MAP3K9: variants seen among roughly 807,000 people sequenced by gnomAD.
The protein encoded by MAP3K9 is mixed lineage kinase 1 (tyr and ser/thr specificity).
MAP3K9 carries 46 observed loss-of-function variants against 95.8 expected under a neutral mutation model. That is an observed-to-expected ratio of 0.48 (90% CI 0.38 to 0.61). The LOEUF (loss-of-function observed/expected upper bound fraction) is 0.61, where lower values mean the gene tolerates loss of function less well. Among genes scored for constraint, MAP3K9 ranks in the 20% least tolerant of loss-of-function variants. MAP3K9 has a pLI of 0.00. For missense variants in MAP3K9, 1,296 were observed against 1,474.3 expected (o/e 0.88, Z 1.98); for synonymous variants, 533 against 593.8 (o/e 0.90, Z 1.49).
chr14:70,754,270 G>A (rs2054268900), intron 3 of MAP3K9, among the ~76,000 whole-genome samples: 1 of 152,142 alleles, frequency 6.6e-6, no homozygotes, highest in Non-Finnish European at 1.5e-5. Context: ...ATGTGGTTAT[G>A]TGTTCATGCT....
Position 70,809,252 on chromosome 14 carries a change from G to A in MAP3K9, c.-81C>T. On this transcript the variant is annotated 5_prime_UTR_variant, in exon 1 of 12. Coordinates refer to ENST00000554752, the MANE Select transcript of MAP3K9 (RefSeq NM_001284230.2). ...CCTATTGTTCATGCGCCTCCGCAGA[G>A]CTGGGAGGACCCCCCCCCAACGACG... is the stretch of plus-strand genomic sequence containing the variant. 2 of 1,259,988 alleles carry A rather than the reference G, an allele frequency of 1.6e-6. No homozygotes were observed. The highest frequency in any genetic ancestry group is 3.3e-5 in the South Asian group (1 of 30,360). 78.1% of individuals were successfully genotyped at this position (1,259,988 alleles called of 1,614,324 possible). A position where few individuals can be genotyped will look rare whatever the true frequency, so the allele number is the denominator to read the frequency against.
chr14:70,747,377 C>A (rs1365442401), intron 5 of MAP3K9, among the ~76,000 whole-genome samples: 1 of 152,160 alleles, frequency 6.6e-6, no homozygotes, highest in African/African-American at 2.4e-5. Flanking sequence ...CTTCTTCCTG[C>A]CACCATGTGA....
intron 1 of MAP3K9, among the ~76,000 whole-genome samples, chr14:70,803,135 C>A (rs2054949372): frequency 6.6e-6 from 1 of 152,002 alleles, no homozygotes; most frequent in Non-Finnish European, 1.5e-5. Context: ...TCCCACTTCA[C>A]CTTCCGCCAT....
intron 7 of MAP3K9, 139 bp downstream of exon 7, chr14:70,739,903 T>C: frequency 6.2e-7 from 1 of 1,610,844 alleles, no homozygotes; most frequent in East Asian, 2.2e-5. Flanking sequence ...CGTACATATG[T>C]GCATGTATAT....
intron 1 of MAP3K9, among the ~76,000 whole-genome samples, chr14:70,805,615 TTC>T (rs1229019621): frequency 6.6e-6 from 1 of 152,268 alleles, no homozygotes; most frequent in African/African-American, 2.4e-5. Flanking sequence ...TAATTTCCCC[TTC>T]TGTTTTGAAT....
chr14:70,730,510 G>C lies in MAP3K9; in HGVS notation c.3185C>G (p.Pro1062Arg). 6.2e-7 allele frequency: 1 copy of C among 1,613,868 alleles called. No homozygotes were observed. Among genetic ancestry groups the C allele is most frequent in the Non-Finnish European group, 8.5e-7 (1 of 1,180,018 alleles). The part of the protein sequence containing the change: ...LLPFQAGPLP[P>R]TERTLLDLDA... Reference sequence around the variant, plus strand: ...CAGGTCCAGGAGCGTCCGCTCAGTCGGGGGCAGCGGCCCTGCCTGGAACGG... The same window carrying C: ...CAGGTCCAGGAGCGTCCGCTCAGTCCGGGGCAGCGGCCCTGCCTGGAACGG... The change falls in exon 12 of 12, where the codon CCG becomes CGG. Residue 1062 changes from proline (P) to arginine (R), a missense_variant. By Grantham distance (103) the Pro-to-Arg change is moderately radical. Transcript: ENST00000554752.
Position 70,732,812 on chromosome 14 carries a change from C to T in MAP3K9, c.2557G>A (p.Asp853Asn), listed in dbSNP as rs986655970. ...TCATACACGACAATTTCATCGCTGT[C>T]GGAGCGCAGCAGGGAGCGTGTGGAG... ...CNSTRSLLRS[D>N]SDEIVVYEMP... The change falls in exon 11 of 12, where the codon GAC becomes AAC. Residue 853 changes from aspartate to asparagine, a missense_variant. Asp to Asn is a conservative substitution (Grantham distance 23). Around this residue, in one of 5 missense-constraint regions of MAP3K9, gnomAD observed 433 missense variants for 441.4 expected, o/e 0.98. Coordinates refer to ENST00000554752, the MANE Select transcript of MAP3K9 (RefSeq NM_001284230.2). 3.1e-6 allele frequency: 5 copies of T among 1,613,982 alleles called. No individual in the cohort carries two copies. The East Asian group carries it at 6.7e-5, about 22-fold the overall frequency.
chr14:70,743,538 G>A (rs77573851), intron 5 of MAP3K9, among the ~76,000 whole-genome samples: 2 of 151,296 alleles, frequency 1.3e-5, no homozygotes, highest in African/African-American at 4.8e-5. Context: ...ATCAAAAAGT[G>A]GGTGAAGGAT....
At chr14:70,779,832 C>T (rs1290270687) in intron 2 of MAP3K9, among the ~76,000 whole-genome samples, 2 of 152,226 alleles carry the variant, frequency 1.3e-5, no homozygotes, top group African/African-American at 2.4e-5. Context: ...TTTGGGACAT[C>T]TCTGGCAAGC....
chr14:70,763,798 T>C (rs369928376), intron 2 of MAP3K9, among the ~76,000 whole-genome samples: 5 of 152,228 alleles, frequency 3.3e-5, no homozygotes, highest in African/African-American at 1.2e-4. Context: ...TCCCAAAGTG[T>C]TGGGATTACT....
At chr14:70,740,286 G>A in intron 6 of MAP3K9, 122 bp from the exon 7 acceptor site, 2 of 998,040 alleles carry the variant, frequency 2.0e-6, no homozygotes, top group South Asian at 1.7e-5. Context: ...AAAGCTCTTT[G>A]TTCACCTGGG....
chr14:70,801,201 C>G (rs1211963512), intron 1 of MAP3K9, 121 bp from the exon 2 acceptor site: 1 of 927,510 alleles, frequency 1.1e-6, no homozygotes, highest in Non-Finnish European at 1.6e-6. Context: ...CTTTCTGTCT[C>G]CCCATTATAA....
At position 70,800,939 on chromosome 14, in the gene MAP3K9, T is replaced by C; in HGVS notation, c.548A>G (p.Gln183Arg). 1 of 1,614,240 alleles carries C rather than the reference T, an allele frequency of 6.2e-7. No homozygotes were observed. The highest frequency in any genetic ancestry group is 8.5e-7 in the Non-Finnish European group (1 of 1,180,046). The change falls in exon 2 of 12, where the codon CAG becomes CGG. Residue 183 changes from glutamine to arginine, a missense_variant. Around this residue, in one of 5 missense-constraint regions of MAP3K9, gnomAD observed 338 missense variants for 363.4 expected, o/e 0.93. Transcript: ENST00000554752. ...CTCTTGGCGAACATTCTCTATGGTC[T>C]GGCTGATGTCCTCATCAGGGTCGTG... ...ARHDPDEDIS[Q>R]TIENVRQEAK...
At chr14:70,745,133 T>C (rs571778965) in intron 5 of MAP3K9, among the ~76,000 whole-genome samples, 3 of 152,256 alleles carry the variant, frequency 2.0e-5, no homozygotes, top group African/African-American at 7.2e-5. Flanking sequence ...GGGTGGAACC[T>C]GGAGAGAGCC....
intron 1 of MAP3K9, among the ~76,000 whole-genome samples, chr14:70,806,337 T>C (rs1189192066): frequency 1.6e-4 from 25 of 152,226 alleles, no homozygotes; most frequent in Admixed American, 1.6e-3. Flanking sequence ...CTTCTTTATG[T>C]CCTGGTACTT....
Position 70,774,983 on chromosome 14 carries a change from C to CAAAAAAAAAAAAAA in MAP3K9, c.821-13815_821-13802dup, listed in dbSNP as rs60144338. On this transcript the variant is annotated intron_variant, in intron 2 of 11. Coordinates refer to ENST00000554752, the MANE Select transcript of MAP3K9 (RefSeq NM_001284230.2). ...TGGAGACAGAGTGAGACTCTGTCCC[C>CAAAAAAAAAAAAAA]AAAAAAAAAAAAAAAAAAAAAAAAA... 7.8e-4 allele frequency among the ~76,000 whole-genome samples: 43 copies of CAAAAAAAAAAAAAA among 55,114 alleles called. 1 individual carries two copies. The highest frequency in any genetic ancestry group is 1.1e-3 in the Non-Finnish European group (37 of 33,628). 36.2% of individuals were successfully genotyped at this position (55,114 alleles called of 152,430 possible). A position where few individuals can be genotyped will look rare whatever the true frequency, so the allele number is the denominator to read the frequency against.
At chr14:70,743,761 T>C (rs2054108075) in intron 5 of MAP3K9, among the ~76,000 whole-genome samples, 1 of 152,036 alleles carries the variant, frequency 6.6e-6, no homozygotes, top group Non-Finnish European at 1.5e-5. Context: ...TTGGTGGGAG[T>C]GTAAATTAGT....
Position 70,730,291 on chromosome 14 carries a change from A to AG in MAP3K9, c.*88dup. On this transcript the variant is annotated 3_prime_UTR_variant, in exon 12 of 12. Coordinates refer to ENST00000554752, the MANE Select transcript of MAP3K9 (RefSeq NM_001284230.2). ...AGTGCAAGAAGTAGGGCTGGATCTC[A>AG]GGGGGTCCAACCCTGAGAAAGGGCT... 6.6e-7 allele frequency: 1 copy of AG among 1,509,468 alleles called. No individual in the cohort carries two copies. Among genetic ancestry groups the AG allele is most frequent in the Non-Finnish European group, 8.9e-7 (1 of 1,123,648 alleles). The allele number at this position is 1,509,468 out of a possible 1,614,324, so 93.5% of individuals were successfully genotyped here.
At chr14:70,799,491 C>T (rs2054904873) in intron 2 of MAP3K9, among the ~76,000 whole-genome samples, 1 of 152,166 alleles carries the variant, frequency 6.6e-6, no homozygotes, top group African/African-American at 2.4e-5. Flanking sequence ...AGGCTCCCGC[C>T]ACCATGTCCG....
Sources: gnomAD v4.1 joint callset for allele counts (sites outside exome capture counted in the v4.1 genomes callset) on GRCh38, gnomAD v4.1.1 for gene constraint, gnomAD v4.1.1 regional missense constraint, MANE v1.5 for transcripts, NCBI Gene and HGNC (gene_info 2026-07-23, HGNC 2026-07-21) for gene names.